The following STK31 variants were observed in gnomAD, a reference collection of about 807,000 sequenced individuals.
STK31 encodes the protein serine/threonine-protein kinase 31.
A neutral mutation model predicts 129.7 loss-of-function variants in STK31; 89 were observed. The observed-to-expected ratio is 0.69, with a 90% CI of 0.58 to 0.82. The LOEUF (loss-of-function observed/expected upper bound fraction) is 0.82, where lower values mean the gene tolerates loss of function less well. STK31 is among the 40% of genes least tolerant of loss of function. STK31 has a pLI of 0.00. For synonymous variants in STK31, 448 were observed against 395.3 expected, an observed-to-expected ratio of 1.13 and a Z score of -1.58; for missense variants, 1,187 against 1,176.4, an observed-to-expected ratio of 1.01 and a Z score of -0.13.
chr7:23,812,699 T>A (rs1466921847), intron 22 of STK31, among the ~76,000 whole-genome samples: 2 of 152,004 alleles, frequency 1.3e-5, no homozygotes. Flanking sequence ...TTCAGTGACT[T>A]TTATTCGACA....
intron 23 of STK31, among the ~76,000 whole-genome samples, chr7:23,830,042 C>T (rs28768099): frequency 0.12 from 18,321 of 151,930 alleles, 1,872 homozygotes; most frequent in African/African-American, 0.28. Flanking sequence ...CTCCGCCTCC[C>T]GGGTTCATGC....
At chr7:23,802,820 C>T (rs1792463027) in intron 22 of STK31, among the ~76,000 whole-genome samples, 1 of 152,146 alleles carries the variant, frequency 6.6e-6, no homozygotes, top group Non-Finnish European at 1.5e-5. Context: ...GGCTGCTTTT[C>T]CATGTATATT....
intron 23 of STK31, among the ~76,000 whole-genome samples, chr7:23,823,038 A>T (rs1584503529): frequency 1.3e-5 from 2 of 152,180 alleles, no homozygotes; most frequent in East Asian, 3.8e-4. Flanking sequence ...GCTATTGTGA[A>T]TAGTGCCGCA....
At chr7:23,790,710 G>A in intron 21 of STK31, 114 bp from the exon 22 acceptor site, 1 of 1,043,710 alleles carries the variant, frequency 9.6e-7, no homozygotes, top group South Asian at 2.7e-5. Context: ...TGAAAGCAAG[G>A]GAATGAAATA....
chr7:23,734,278 ATTTCAAGGAAG>A (rs1427073543), intron 6 of STK31, among the ~76,000 whole-genome samples: 1 of 152,148 alleles, frequency 6.6e-6, no homozygotes, highest in African/African-American at 2.4e-5. Flanking sequence ...TGATGTCCCT[ATTTCAAGGAAG>A]TTGTGAACCA....
At position 23,768,872 on chromosome 7, in the gene STK31, T is replaced by C. The variant is rs532076168; in HGVS notation, c.1417-123T>C. ...CTCTATCTGATGATTCTAAGTTGTA[T>C]TTATGAAATTCTCAAGAATGGGGAT... On this transcript the variant is annotated intron_variant, in intron 11 of 23. Coordinates refer to ENST00000355870, the MANE Select transcript of STK31 (RefSeq NM_031414.5). 76 of 802,674 alleles carry C rather than the reference T, an allele frequency of 9.5e-5. No homozygotes were observed. In the East Asian group the frequency reaches 2.1e-3, roughly 22 times the overall value. The allele number at this position is 802,674 out of a possible 1,614,324, so 49.7% of individuals were successfully genotyped here.
chr7:23,710,090 C>T, upstream of STK31: 3 of 882,346 alleles, frequency 3.4e-6, no homozygotes, highest in East Asian at 2.7e-5. Context: ...GCCTGGGGGT[C>T]GGCAGCAGCC....
chr7:23,722,807 TCGCCGC>T (rs78667428), intron 4 of STK31: 33,490 of 152,400 alleles, frequency 0.22, 4,602 homozygotes, highest in East Asian at 0.4. Context: ...TCCCCCAGCC[TCGCCGC>T]CGCCTTGCAG....
chr7:23,796,340 A>G (rs62470072), intron 22 of STK31, among the ~76,000 whole-genome samples: 35,772 of 145,064 alleles, frequency 0.25, 4,886 homozygotes, highest in East Asian at 0.41. Flanking sequence ...AGAAGGGTGA[A>G]AGTAAACATA....
chr7:23,783,628 C>A lies in STK31; in HGVS notation c.2113C>A (p.Leu705Met). 1 of 1,612,100 alleles carries A rather than the reference C, an allele frequency of 6.2e-7. No individual in the cohort carries two copies. Among genetic ancestry groups the A allele is most frequent in the African/African-American group, 1.3e-5 (1 of 74,988 alleles). The change falls in exon 17 of 24, where the codon CTG (leucine) becomes ATG (methionine). Residue 705 changes from leucine to methionine, a missense_variant. Physicochemically the swap from Leu to Met is conservative, Grantham distance 15. Transcript: ENST00000355870. ...ACAGAAATGGTTCCCTGAGCTGCCT[C>A]TGCTTCATCCTGAAATAGGATTACT... ...LAQKWFPELPLLHPEIGLLKY... is the reference protein window; with the variant it reads ...LAQKWFPELPMLHPEIGLLKY...
At chr7:23,787,075 G>A (rs893083118) in intron 20 of STK31, 151 bp downstream of exon 20, 7 of 703,536 alleles carry the variant, frequency 9.9e-6, no homozygotes, top group African/African-American at 1.8e-5. Context: ...AGAAGTTATC[G>A]TGTTATATAG....
rs1306336355 is a variant in STK31 at position 23,735,824 on chromosome 7, G to A, written c.770G>A (p.Gly257Glu). ...SNQSTFSRPK[G>E]HLSEKMTLDL... ...CAGTCAACCTTCAGCAGGCCCAAGG[G>A]GCACTTAAGTGAGAAAATGACTCTT... is the stretch of plus-strand genomic sequence containing the variant. Residue 257 changes from glycine to glutamate, a missense_variant, in exon 7 of 24, where the codon GGG becomes GAG. Physicochemically the swap from Gly to Glu is moderately conservative, Grantham distance 98 (BLOSUM62 -2). Coordinates refer to ENST00000355870, the MANE Select transcript of STK31 (RefSeq NM_031414.5). The A allele has an allele frequency of 6.2e-7, 1 of 1,611,962 alleles. No individual in the cohort carries two copies. Among genetic ancestry groups the A allele is most frequent in the East Asian group, 2.2e-5 (1 of 44,838 alleles).
chr7:23,790,188 T>C (rs567293054), intron 21 of STK31, among the ~76,000 whole-genome samples: 10 of 152,300 alleles, frequency 6.6e-5, no homozygotes, highest in African/African-American at 2.4e-4. Context: ...AGGCATTGTA[T>C]CTCTGTAAGG....
intron 8 of STK31, among the ~76,000 whole-genome samples, chr7:23,750,545 A>G (rs1304741704): frequency 6.6e-6 from 1 of 152,150 alleles, no homozygotes; most frequent in African/African-American, 2.4e-5. Context: ...TTCTTTTGTA[A>G]TATACTTTTA....
At chr7:23,811,475 G>T in intron 22 of STK31, 1 of 313,338 alleles carries the variant, frequency 3.2e-6, no homozygotes. Flanking sequence ...TGTGCTTTCA[G>T]TACCTTCACC....
chr7:23,765,003 T>C (rs1404758149), intron 11 of STK31, among the ~76,000 whole-genome samples: 1 of 151,226 alleles, frequency 6.6e-6, no homozygotes, highest in Non-Finnish European at 1.5e-5. Flanking sequence ...GTATCCCACC[T>C]TTCTTTTTGG....
intron 23 of STK31, among the ~76,000 whole-genome samples, chr7:23,825,651 T>C (rs1180647383): frequency 1.3e-5 from 2 of 152,208 alleles, no homozygotes; most frequent in Non-Finnish European, 2.9e-5. Flanking sequence ...CTTTTGAAGG[T>C]GTTTGCTCTT....
At position 23,829,313 on chromosome 7, in the gene STK31, G is replaced by T. The variant is rs377138025; in HGVS notation, c.2830-2823G>T. 3.5e-4 allele frequency among the ~76,000 whole-genome samples: 53 copies of T among 152,192 alleles called. No individual in the cohort carries two copies. The East Asian group carries it at 4.2e-3, about 12-fold the overall frequency. Reference sequence around the variant, plus strand: ...GGTGTGTTACTTATATACCTAGTTTGTTGAGAGCTTTTATCATAAAGGGAT... The same window carrying T: ...GGTGTGTTACTTATATACCTAGTTTTTTGAGAGCTTTTATCATAAAGGGAT... On this transcript the variant is annotated intron_variant, in intron 23 of 23. Transcript: ENST00000355870.
chr7:23,811,242 T>C (rs1793114097), intron 22 of STK31: 1 of 330,190 alleles, frequency 3.0e-6, no homozygotes, highest in Non-Finnish European at 5.8e-6. Context: ...TCTAGATTGA[T>C]GTTTTCACCA....
Sources: allele counts gnomAD v4.1 joint callset (sites outside exome capture counted in the v4.1 genomes callset), GRCh38; gene constraint gnomAD v4.1.1; transcripts MANE v1.5; gene names NCBI Gene and HGNC (gene_info 2026-07-23, HGNC 2026-07-21).